Variants in APC observed in about 807,000 individuals in gnomAD.
APC encodes the protein APC regulator of Wnt signaling pathway.
Under a neutral mutation model 247.0 loss-of-function variants are expected in APC, and 72 were observed. The observed-to-expected ratio is 0.29, with a 90% CI of 0.24 to 0.35. APC has a LOEUF of 0.35. Among genes scored for constraint, APC ranks in the 10% least tolerant of loss-of-function variants. The pLI is 1.00. For missense variants in APC, 3,400 were observed against 3,360.7 expected, an observed-to-expected ratio of 1.01 and a Z score of -0.29; for synonymous variants, 1,254 against 1,162.5, an observed-to-expected ratio of 1.08 and a Z score of -1.60.
rs559229122 is a variant in APC, at chr5:112,788,847, A to G, written c.646-3599A>G. On this transcript the variant is annotated intron_variant, in intron 6 of 15. Transcript: ENST00000257430. ...TCATCGCCGGTTTAAGATTCTATACACTGTCATATTGTTCGCAAATAATGA... is the reference window on the plus strand; with the variant it reads ...TCATCGCCGGTTTAAGATTCTATACGCTGTCATATTGTTCGCAAATAATGA... Among the ~76,000 whole-genome samples, 24 of 152,270 alleles carry G rather than the reference A, an allele frequency of 1.6e-4. No homozygotes were observed. In the East Asian group the frequency reaches 3.5e-3, roughly 22 times the overall value.
intron 7 of APC, among the ~76,000 whole-genome samples, chr5:112,799,432 G>A (rs928545752): frequency 2.6e-5 from 4 of 151,878 alleles, no homozygotes; most frequent in African/African-American, 4.8e-5. Context: ...CAGCGAACCC[G>A]ATCAGATTTA....
intron 7 of APC, 94 bp downstream of exon 7, chr5:112,792,623 T>C (rs1013258748): frequency 2.3e-6 from 2 of 877,062 alleles, no homozygotes; most frequent in Non-Finnish European, 3.7e-6. Context: ...ACCATTGAAA[T>C]ATAGATGTTC....
Position 112,767,219 on chromosome 5 carries a change from G to T in APC, c.251G>T (p.Gly84Val), listed in dbSNP as rs143145868. The T allele has an allele frequency of 5.0e-6, 8 of 1,613,956 alleles. No homozygotes were observed. Among genetic ancestry groups the T allele is most frequent in the Non-Finnish European group, 6.8e-6 (8 of 1,180,002 alleles). The change falls in exon 4 of 16, where the codon GGA (glycine) becomes GTA (valine). Residue 84 changes from glycine to valine, a missense_variant. Around this residue, in one of 9 missense-constraint regions of APC, gnomAD observed 372 missense variants for 367.6 expected, o/e 1.01. Transcript: ENST00000257430. ...AACTTAGATAGCAGTAATTTCCCTG[G>T]AGTAAAACTGCGGTCAAAAATGTCC... ...ELNLDSSNFP[G>V]VKLRSKMSLR... is the part of the protein sequence containing the mutation.
chr5:112,762,363 A>G (rs1171740137), intron 2 of APC, among the ~76,000 whole-genome samples: 1 of 152,238 alleles, frequency 6.6e-6, no homozygotes, highest in Non-Finnish European at 1.5e-5. Flanking sequence ...AGTGAGGGCA[A>G]GTGTCCACTA....
chr5:112,773,581 T>G (rs1435258010), intron 4 of APC, among the ~76,000 whole-genome samples: 1 of 152,210 alleles, frequency 6.6e-6, no homozygotes, highest in Non-Finnish European at 1.5e-5. Flanking sequence ...ATTTTGTATG[T>G]TATATGTATT....
chr5:112,780,734 T>C, intron 5 of APC, 56 bp from the exon 6 acceptor site: 1 of 1,275,908 alleles, frequency 7.8e-7, no homozygotes, highest in East Asian at 2.5e-5. Context: ...TTTTTTGCTT[T>C]TACTGATTAA....
At chr5:112,787,015 G>A (rs1759036386) in intron 6 of APC, among the ~76,000 whole-genome samples, 1 of 151,114 alleles carries the variant, frequency 6.6e-6, no homozygotes, top group African/African-American at 2.4e-5. Context: ...AGGCTCCCAA[G>A]TAGCTGGAAT....
intron 6 of APC, among the ~76,000 whole-genome samples, chr5:112,782,419 G>C (rs1459362593): frequency 6.6e-6 from 1 of 152,052 alleles, no homozygotes; most frequent in East Asian, 1.9e-4. Context: ...ATCTGTTTTG[G>C]AGTATGGTGG....
At chr5:112,735,056 A>T (rs1752304755), upstream of APC, among the ~76,000 whole-genome samples, 1 of 152,174 alleles carries the variant, frequency 6.6e-6, no homozygotes, top group African/African-American at 2.4e-5. Context: ...TACATATGAA[A>T]CCATTTACTA....
intron 6 of APC, among the ~76,000 whole-genome samples, chr5:112,783,239 T>G (rs1353493930): frequency 6.6e-6 from 1 of 152,210 alleles, no homozygotes; most frequent in Non-Finnish European, 1.5e-5. Context: ...TTGGCCATTT[T>G]GTTCACATAA....
In APC at chr5:112,838,234, C is replaced by T. The variant is rs200184105; in HGVS notation, c.2640C>T (p.Ile880=). The T allele has an allele frequency of 5.2e-5, 84 of 1,614,190 alleles. No individual in the cohort carries two copies. In the Admixed American group the frequency reaches 5.5e-4, roughly 11 times the overall value. Residue 880 remains isoleucine (I), a synonymous_variant, in exon 16 of 16, where the codon ATC becomes ATT. Transcript: ENST00000257430. ...CTTCTTCAAAGCGAGGTTTGCAGAT[C>T]TCCACCACTGCAGCCCAGATTGCCA... ...PGTSSKRGLQ[I]STTAAQIAKV... is the part of the protein sequence containing the mutation.
chr5:112,805,582 C>A (rs1452597728), intron 8 of APC, among the ~76,000 whole-genome samples: 3 of 152,172 alleles, frequency 2.0e-5, no homozygotes, highest in Non-Finnish European at 4.4e-5. Context: ...ATTCCCAGAT[C>A]CTGATGTAGA....
intron 1 of APC, among the ~76,000 whole-genome samples, chr5:112,745,684 C>G (rs1271536914): frequency 2.0e-5 from 3 of 152,100 alleles, no homozygotes; most frequent in East Asian, 1.9e-4. Context: ...GCGACCCCCC[C>G]ACCCCACACC....
intron 10 of APC, among the ~76,000 whole-genome samples, chr5:112,821,340 T>C (rs1763109866): frequency 6.6e-6 from 1 of 151,966 alleles, no homozygotes; most frequent in South Asian, 2.1e-4. Flanking sequence ...ACCCTATCTC[T>C]ACAAAAAATT....
In APC at chr5:112,844,293, C is replaced by CT. The variant is rs1766795254; in HGVS notation, c.*167_*168insT. The stretch of plus-strand genomic sequence containing the variant: ...CATATTTGATAGTATACTTTGTCTT[C>CT]ACTGGTCTTATTTTGGGAGGCACTC... On this transcript the variant is annotated 3_prime_UTR_variant, in exon 16 of 16. Transcript: ENST00000257430. 4 of 657,884 alleles carry CT rather than the reference C, an allele frequency of 6.1e-6. No homozygotes were observed. In the East Asian group the frequency reaches 1.1e-4, roughly 18 times the overall value. The allele number at this position is 657,884 out of a possible 1,614,324, so 40.8% of individuals were successfully genotyped here.
intron 1 of APC, among the ~76,000 whole-genome samples, chr5:112,723,486 G>C (rs1751599680): frequency 6.6e-6 from 1 of 152,124 alleles, no homozygotes. Flanking sequence ...AAAGATCCAG[G>C]AGCTGTGGAT....
Position 112,841,035 on chromosome 5 carries a change from A to C in APC, c.5441A>C (p.Gln1814Pro), listed in dbSNP as rs786202960. The part of the protein sequence containing the change: ...VFSDNKDSKK[Q>P]NLKNNSKVFN... The stretch of plus-strand genomic sequence containing the variant: ...TCAGACAACAAAGATTCAAAGAAAC[A>C]GAATTTGAAAAATAATTCCAAGGTC... Residue 1814 changes from glutamine to proline, a missense_variant, in exon 16 of 16, where the codon CAG becomes CCG. Coordinates refer to ENST00000257430, the MANE Select transcript of APC (RefSeq NM_000038.6). This position sits in a 1 kb window ranked among gnomAD's most constrained non-coding sequence, Gnocchi z 4.6. The C allele has an allele frequency of 6.2e-7, 1 of 1,610,864 alleles. No individual in the cohort carries two copies. The highest frequency in any genetic ancestry group is 8.5e-7 in the Non-Finnish European group (1 of 1,177,282).
intron 1 of APC, among the ~76,000 whole-genome samples, chr5:112,732,721 G>A (rs1396487499): frequency 6.6e-6 from 1 of 152,154 alleles, no homozygotes; most frequent in Non-Finnish European, 1.5e-5. Context: ...GGGATAAGAG[G>A]TGTATACACA....
chr5:112,840,951 G>T lies in APC; in HGVS notation c.5357G>T (p.Arg1786Met), dbSNP rs944674770. The T allele has an allele frequency of 1.2e-6, 2 of 1,613,222 alleles. No homozygotes were observed. The highest frequency in any genetic ancestry group is 2.2e-5 in the South Asian group (2 of 91,002). ...CCTATACCACAAAATACTGAATATA[G>T]GACACGTGTAAGAAAAAATGCAGAC... is the stretch of plus-strand genomic sequence containing the variant. ...VKPIPQNTEY[R>M]TRVRKNADSK... Residue 1786 changes from arginine (R) to methionine (M), a missense_variant, in exon 16 of 16, where the codon AGG (arginine) becomes ATG (methionine). Transcript: ENST00000257430. The surrounding 1 kb of genome is among the most constrained non-coding windows in gnomAD (Gnocchi z 4.1).
Sources: gnomAD v4.1 joint callset for allele counts (sites outside exome capture counted in the v4.1 genomes callset) on GRCh38, gnomAD v4.1.1 for gene constraint, gnomAD v4.1.1 regional missense constraint, Gnocchi (gnomAD v3.1) non-coding constraint, MANE v1.5 for transcripts, NCBI Gene and HGNC (gene_info 2026-07-23, HGNC 2026-07-21) for gene names.